Variants in GLIS3 observed in about 807,000 individuals in gnomAD.
GLIS3 encodes zinc finger protein GLIS3.
Under a neutral mutation model 78.6 loss-of-function variants are expected in GLIS3, and 53 were observed. The observed-to-expected ratio is 0.67, with a 90% CI of 0.54 to 0.85. The LOEUF is 0.85. Among genes scored for constraint, GLIS3 ranks in the 40% least tolerant of loss-of-function variants. The pLI is 0.00. For missense variants in GLIS3, 1,703 were observed against 1,231.1 expected (o/e 1.38, Z -5.74); for synonymous variants, 684 against 509.9 (o/e 1.34, Z -4.60).
At chr9:4,084,785 A>G (rs1317514421) in intron 4 of GLIS3, among the ~76,000 whole-genome samples, 1 of 152,088 alleles carries the variant, frequency 6.6e-6, no homozygotes, top group Non-Finnish European at 1.5e-5. Context: ...GTGTGGACTG[A>G]CGCTGTTTCT....
chr9:4,361,781 T>G, the GLIS3 span, among the ~76,000 whole-genome samples: 1 of 152,180 alleles, frequency 6.6e-6, no homozygotes, highest in African/African-American at 2.4e-5. Flanking sequence ...ACATGATCAT[T>G]TTATTACATC....
intron 2 of GLIS3, among the ~76,000 whole-genome samples, chr9:4,272,808 A>G (rs1683355620): frequency 6.6e-6 from 1 of 152,200 alleles, no homozygotes; most frequent in Non-Finnish European, 1.5e-5. Context: ...AAATGTAATG[A>G]AACTTTCCCC....
At chr9:4,220,178 T>C (rs967653512) in intron 2 of GLIS3, among the ~76,000 whole-genome samples, 1 of 152,144 alleles carries the variant, frequency 6.6e-6, no homozygotes, top group Non-Finnish European at 1.5e-5. Flanking sequence ...ACAGTAAAAA[T>C]CCATGACATA....
chr9:4,107,433 CA>C (rs1383810717), intron 4 of GLIS3, among the ~76,000 whole-genome samples: 7 of 152,240 alleles, frequency 4.6e-5, no homozygotes, highest in African/African-American at 1.7e-4. Context: ...CCACAATCCT[CA>C]ACAACATGTC....
At chr9:3,909,271 T>C (rs528334944) in intron 6 of GLIS3, among the ~76,000 whole-genome samples, 128 of 152,382 alleles carry the variant, frequency 8.4e-4, no homozygotes, top group Middle Eastern at 3.4e-3. Flanking sequence ...TAACCTATTA[T>C]ATTAATTACA....
the GLIS3 span, among the ~76,000 whole-genome samples, chr9:4,443,259 C>A: frequency 2.6e-5 from 4 of 152,148 alleles, no homozygotes; most frequent in Non-Finnish European, 2.9e-5. Context: ...GCCCCACTCA[C>A]GGCTTAAATT....
intron 4 of GLIS3, among the ~76,000 whole-genome samples, chr9:4,017,014 C>T (rs971710806): frequency 2.6e-5 from 4 of 152,194 alleles, no homozygotes; most frequent in African/African-American, 7.2e-5. Context: ...ACCATTCAAT[C>T]GGCCATCATG....
chr9:4,451,302 T>TC, the GLIS3 span, among the ~76,000 whole-genome samples: 10 of 152,152 alleles, frequency 6.6e-5, no homozygotes, highest in African/African-American at 2.4e-4. Flanking sequence ...GAGCTAACTG[T>TC]CCTAAATATA....
intron 2 of GLIS3, among the ~76,000 whole-genome samples, chr9:4,180,740 A>G (rs1034570945): frequency 6.6e-6 from 1 of 152,212 alleles, no homozygotes; most frequent in Non-Finnish European, 1.5e-5. Context: ...TGTAAGAGTT[A>G]TAAATTGGAC....
chr9:4,459,624 G>C, the GLIS3 span, among the ~76,000 whole-genome samples: 1 of 152,132 alleles, frequency 6.6e-6, no homozygotes, highest in Non-Finnish European at 1.5e-5. Flanking sequence ...AATTAGCTAA[G>C]CATGGTGGTA....
At chr9:4,262,417 C>T (rs1216341106) in intron 2 of GLIS3, among the ~76,000 whole-genome samples, 1 of 152,020 alleles carries the variant, frequency 6.6e-6, no homozygotes, top group South Asian at 2.1e-4. Flanking sequence ...GAGAGGGCAG[C>T]GGGATGGGGG....
At chr9:4,174,797 G>C (rs922652724) in intron 2 of GLIS3, among the ~76,000 whole-genome samples, 1 of 152,196 alleles carries the variant, frequency 6.6e-6, no homozygotes, top group African/African-American at 2.4e-5. Context: ...AGTACACGTT[G>C]ATTCCACTTT....
intron 2 of GLIS3, among the ~76,000 whole-genome samples, chr9:4,342,412 G>C (rs1476722269): frequency 6.6e-6 from 1 of 152,150 alleles, no homozygotes; most frequent in Non-Finnish European, 1.5e-5. Context: ...TTGTAGGTGT[G>C]TGGCTTTATT....
chr9:4,282,037 T>A (rs1389847103), intron 2 of GLIS3, among the ~76,000 whole-genome samples: 1 of 152,130 alleles, frequency 6.6e-6, no homozygotes, highest in Non-Finnish European at 1.5e-5. Flanking sequence ...ATAAATAATA[T>A]CAAATGTATA....
In GLIS3 at chr9:4,004,204, A is replaced by T. The variant is rs915631618; in HGVS notation, c.1711-67015T>A. Among the ~76,000 whole-genome samples, 4 of 152,210 alleles carry T rather than the reference A, an allele frequency of 2.6e-5. No homozygotes were observed. In the South Asian group the frequency reaches 8.3e-4, roughly 31 times the overall value. ...TTTTGGAGGAACAAGGGAATGAATT[A>T]AAAATATGAGGAAAACAACTCCTTT... On this transcript the variant is annotated intron_variant, in intron 4 of 10. Coordinates refer to ENST00000381971, the MANE Select transcript of GLIS3 (RefSeq NM_001042413.2).
At chr9:4,379,791 G>A in the GLIS3 span, among the ~76,000 whole-genome samples, 1 of 152,174 alleles carries the variant, frequency 6.6e-6, no homozygotes, top group Non-Finnish European at 1.5e-5. Flanking sequence ...CTTGAAGAAA[G>A]GAGCTCACTT....
chr9:4,473,437 C>G, the GLIS3 span, among the ~76,000 whole-genome samples: 3 of 97,790 alleles, frequency 3.1e-5, no homozygotes, highest in African/African-American at 8.9e-5. Flanking sequence ...CAGGGCGAGA[C>G]TCCATCTCAA....
chr9:4,040,238 G>A (rs966656323), intron 4 of GLIS3, among the ~76,000 whole-genome samples: 1 of 148,256 alleles, frequency 6.7e-6, no homozygotes, highest in African/African-American at 2.5e-5. Context: ...AAACTTCAAA[G>A]CATTTTAAAT....
chr9:4,093,876 T>G (rs1829724580), intron 4 of GLIS3, among the ~76,000 whole-genome samples: 1 of 152,174 alleles, frequency 6.6e-6, no homozygotes, highest in Non-Finnish European at 1.5e-5. Flanking sequence ...TATCAATACT[T>G]CAGTAACCCT....
Sources: gnomAD v4.1 joint callset for allele counts (sites outside exome capture counted in the v4.1 genomes callset) on GRCh38, gnomAD v4.1.1 for gene constraint, MANE v1.5 for transcripts, NCBI Gene and HGNC (gene_info 2026-07-23, HGNC 2026-07-21) for gene names.